Variants in TRPC7 observed in about 807,000 individuals in gnomAD.
TRPC7 encodes short transient receptor potential channel 7.
A neutral mutation model predicts 90.1 loss-of-function variants in TRPC7; 42 were observed. The observed-to-expected ratio is 0.47, with a 90% CI of 0.36 to 0.60. TRPC7 has a LOEUF of 0.60. TRPC7 is among the 20% of genes least tolerant of loss of function. The pLI, the probability that TRPC7 is intolerant of heterozygous loss-of-function variation, is 0.00. For synonymous variants in TRPC7, 451 were observed against 436.3 expected (o/e 1.03, Z -0.42); for missense variants, 955 against 1,112.3 (o/e 0.86, Z 2.01).
chr5:136,315,355 C>G (rs925826618), intron 3 of TRPC7, among the ~76,000 whole-genome samples: 8 of 152,128 alleles, frequency 5.3e-5, no homozygotes, highest in Admixed American at 4.6e-4. Flanking sequence ...TCAAGGCCTG[C>G]TCAGGAACTG....
At chr5:136,283,070 G>A (rs1561700445) in intron 3 of TRPC7, among the ~76,000 whole-genome samples, 1 of 152,202 alleles carries the variant, frequency 6.6e-6, no homozygotes, top group Non-Finnish European at 1.5e-5. Flanking sequence ...CTCCCTCCCT[G>A]AATGAGCCCC....
At chr5:136,348,974 C>A (rs1760099548) in intron 2 of TRPC7, among the ~76,000 whole-genome samples, 1 of 152,150 alleles carries the variant, frequency 6.6e-6, no homozygotes, top group Non-Finnish European at 1.5e-5. Flanking sequence ...GAACTGTTTC[C>A]ATTTTCTCCA....
intron 7 of TRPC7, among the ~76,000 whole-genome samples, chr5:136,246,178 T>C (rs1756330723): frequency 6.6e-6 from 1 of 152,236 alleles, no homozygotes; most frequent in Non-Finnish European, 1.5e-5. Flanking sequence ...TTTCAGTGTC[T>C]TGCCTCATGC....
chr5:136,314,214 A>C (rs1758932799), intron 3 of TRPC7: 1 of 152,156 alleles, frequency 6.6e-6, no homozygotes, highest in Admixed American at 6.5e-5. Flanking sequence ...GAAGGAAGAA[A>C]ATGTTTGTAG....
At chr5:136,220,217 G>A (rs955807335) in intron 10 of TRPC7, among the ~76,000 whole-genome samples, 18 of 152,136 alleles carry the variant, frequency 1.2e-4, no homozygotes, top group East Asian at 1.9e-4. Flanking sequence ...GAATAACAGC[G>A]ATTTTCAGAG....
intron 3 of TRPC7, among the ~76,000 whole-genome samples, chr5:136,296,421 C>A (rs1465625137): frequency 1.3e-5 from 2 of 151,868 alleles, no homozygotes; most frequent in East Asian, 3.9e-4. Flanking sequence ...GACTCAGTAG[C>A]CCCACTCTCA....
At position 136,345,309 on chromosome 5, in the gene TRPC7, A is replaced by C. The variant is rs553719651; in HGVS notation, c.780+11299T>G. 9.9e-5 allele frequency among the ~76,000 whole-genome samples: 15 copies of C among 152,236 alleles called. No individual in the cohort carries two copies. The South Asian group carries it at 1.9e-3, about 19-fold the overall frequency. ...GGTGGCTCACGCCTGTAATCCTAGCACTTTGGGAGGCCGAGGCGGGCAGAT... is the reference window on the plus strand; with the variant it reads ...GGTGGCTCACGCCTGTAATCCTAGCCCTTTGGGAGGCCGAGGCGGGCAGAT... On this transcript the variant is annotated intron_variant, in intron 2 of 11. Coordinates refer to ENST00000513104, the MANE Select transcript of TRPC7 (RefSeq NM_020389.3).
intron 8 of TRPC7, among the ~76,000 whole-genome samples, chr5:136,228,476 C>G (rs1755704068): frequency 6.8e-6 from 1 of 146,206 alleles, no homozygotes; most frequent in African/African-American, 2.6e-5. Context: ...TATTTAAATG[C>G]TGACAGGAAG....
intron 1 of TRPC7, among the ~76,000 whole-genome samples, chr5:136,362,501 T>G (rs1173947898): frequency 2.0e-5 from 3 of 152,172 alleles, no homozygotes; most frequent in Non-Finnish European, 4.4e-5. Context: ...TAGAAATGTA[T>G]AGCGAACATG....
chr5:136,334,669 T>G (rs1488139959), intron 2 of TRPC7, among the ~76,000 whole-genome samples: 1 of 152,246 alleles, frequency 6.6e-6, no homozygotes, highest in Non-Finnish European at 1.5e-5. Flanking sequence ...CAAAGTGCTC[T>G]CCATATTTTT....
In TRPC7 at chr5:136,248,029, C is replaced by T. The variant is rs187944052; in HGVS notation, c.1580-294G>A. On this transcript the variant is annotated intron_variant, in intron 6 of 11. Transcript: ENST00000513104. ...TCTGTGATCCCCCTTACCCCCACCA[C>T]GGGCTGGGCAGGTTCCCAGTTTCCG... 1.8e-4 allele frequency among the ~76,000 whole-genome samples: 27 copies of T among 152,306 alleles called. No individual in the cohort carries two copies. In the South Asian group the frequency reaches 2.7e-3, roughly 15 times the overall value.
At chr5:136,238,157 C>T (rs1009379490) in intron 7 of TRPC7, among the ~76,000 whole-genome samples, 3 of 152,224 alleles carry the variant, frequency 2.0e-5, no homozygotes, top group Non-Finnish European at 4.4e-5. Flanking sequence ...CTCCACGAGA[C>T]CTTCTTTGAC....
Position 136,213,427 on chromosome 5 carries a change from G to A in TRPC7, c.*8C>T. On this transcript the variant is annotated 3_prime_UTR_variant, in exon 12 of 12. Transcript: ENST00000513104. ...GCTGGTAGAAGTCACAGACGCCGAT[G>A]TGGGCTGCTAAATGTCTTTGCCCTT... 6.2e-7 allele frequency: 1 copy of A among 1,613,532 alleles called. No homozygotes were observed.
In TRPC7 at chr5:136,365,329, C is replaced by G; in HGVS notation, c.-75G>C. 1 of 1,481,164 alleles carries G rather than the reference C, an allele frequency of 6.8e-7. No homozygotes were observed. Among genetic ancestry groups the G allele is most frequent in the Non-Finnish European group, 9.1e-7 (1 of 1,096,030 alleles). The allele number at this position is 1,481,164 out of a possible 1,614,324, so 91.8% of individuals were successfully genotyped here. ...GTGTTGAGTCGCCAGAAGCTGGCTC[C>G]CCATGGGTGGTAGCCAAGGATGTAC... On this transcript the variant is annotated 5_prime_UTR_variant, in exon 1 of 12. Transcript: ENST00000513104.
chr5:136,249,075 G>A (rs1756438429), intron 6 of TRPC7, among the ~76,000 whole-genome samples: 2 of 152,282 alleles, frequency 1.3e-5, no homozygotes, highest in South Asian at 4.1e-4. Flanking sequence ...TACATTAGCT[G>A]TAATTTTCAC....
intron 2 of TRPC7, among the ~76,000 whole-genome samples, chr5:136,339,497 A>G (rs1056569981): frequency 6.6e-6 from 1 of 152,210 alleles, no homozygotes; most frequent in Non-Finnish European, 1.5e-5. Context: ...AATTGGTCCT[A>G]TAGATAACAT....
intron 7 of TRPC7, among the ~76,000 whole-genome samples, chr5:136,237,526 T>C (rs1756019630): frequency 6.6e-6 from 1 of 152,204 alleles, no homozygotes; most frequent in African/African-American, 2.4e-5. Context: ...ATCCTAGTGT[T>C]GTTGAGTCCA....
intron 3 of TRPC7, among the ~76,000 whole-genome samples, chr5:136,310,567 C>G (rs957404276): frequency 5.9e-5 from 9 of 151,518 alleles, no homozygotes; most frequent in Non-Finnish European, 8.8e-5. Flanking sequence ...GGAGCTGGCT[C>G]TTGAGGAGGG....
At chr5:136,220,142 T>C (rs888521154) in intron 10 of TRPC7, among the ~76,000 whole-genome samples, 1 of 152,250 alleles carries the variant, frequency 6.6e-6, no homozygotes, top group Non-Finnish European at 1.5e-5. Context: ...TTGCTTTAAG[T>C]GTACAAATTT....
Sources: allele counts gnomAD v4.1 joint callset (sites outside exome capture counted in the v4.1 genomes callset), GRCh38; gene constraint gnomAD v4.1.1; transcripts MANE v1.5; gene names NCBI Gene and HGNC (gene_info 2026-07-23, HGNC 2026-07-21).